CAPRIN2: variants seen among roughly 807,000 people sequenced by gnomAD.
CAPRIN2 encodes the protein caprin-2.
In CAPRIN2, 66 loss-of-function variants were observed where a neutral mutation model predicts 130.4. The ratio of observed to expected loss-of-function variants is 0.51; its 90% confidence interval spans 0.42 to 0.62. CAPRIN2 has a LOEUF of 0.62. Ranked by LOEUF, CAPRIN2 falls within the 20% of genes least tolerant of loss-of-function variation. CAPRIN2 has a pLI of 0.00. For missense variants in CAPRIN2, 1,185 were observed against 1,246.6 expected (o/e 0.95, Z 0.74); for synonymous variants, 471 against 444.1 (o/e 1.06, Z -0.76).
intron 11 of CAPRIN2, among the ~76,000 whole-genome samples, chr12:30,721,820 G>A (rs1181957555): frequency 6.6e-6 from 1 of 152,170 alleles, no homozygotes; most frequent in African/African-American, 2.4e-5. Context: ...GAAGGAGACT[G>A]GGGATTGAGT....
In CAPRIN2 at chr12:30,710,357, C is replaced by A; in HGVS notation, c.2779G>T (p.Val927Leu). ...AGTATGGTGGCTGCTGGATTTGTCA[C>A]TGGCACATCCACAGGGGTCATGCTA... Residue 927 changes from valine to leucine, a missense_variant, in exon 17 of 17, where the codon GTG becomes TTG. This residue lies in a region of CAPRIN2 where 1,104 missense variants were observed against 1,104.3 expected (regional missense o/e 1.00). Transcript: ENST00000298892. The surrounding 1 kb of genome is among the most constrained non-coding windows in gnomAD (Gnocchi z 4.8). 1.2e-6 allele frequency: 2 copies of A among 1,614,138 alleles called. No homozygotes were observed. The highest frequency in any genetic ancestry group is 1.7e-6 in the Non-Finnish European group (2 of 1,180,030).
chr12:30,734,142 C>A (rs2063646426), intron 4 of CAPRIN2, among the ~76,000 whole-genome samples: 1 of 152,082 alleles, frequency 6.6e-6, no homozygotes, highest in South Asian at 2.1e-4. Flanking sequence ...ATTCCCTGAA[C>A]CCACAAAAGT....
chr12:30,742,848 T>C (rs1319176155), intron 2 of CAPRIN2, among the ~76,000 whole-genome samples: 2 of 152,186 alleles, frequency 1.3e-5, no homozygotes, highest in African/African-American at 4.8e-5. Flanking sequence ...TTAACTTATA[T>C]GGAATATATT....
intron 10 of CAPRIN2, among the ~76,000 whole-genome samples, chr12:30,723,730 TA>T (rs2060087729): frequency 6.6e-6 from 1 of 152,240 alleles, no homozygotes; most frequent in South Asian, 2.1e-4. Context: ...TTATATATAT[TA>T]ACATACTTTT....
intron 5 of CAPRIN2, among the ~76,000 whole-genome samples, chr12:30,733,279 T>C (rs1281073475): frequency 6.6e-6 from 1 of 152,106 alleles, no homozygotes; most frequent in East Asian, 1.9e-4. Context: ...GCCTTGATAT[T>C]AACAATGCAT....
chr12:30,721,316 C>T (rs1367933074), intron 11 of CAPRIN2, among the ~76,000 whole-genome samples: 10 of 151,604 alleles, frequency 6.6e-5, no homozygotes, highest in East Asian at 2.0e-4. Flanking sequence ...GCTCCGGGTA[C>T]GTTTAACACT....
At chr12:30,746,237 A>G (rs774947867) in intron 2 of CAPRIN2, among the ~76,000 whole-genome samples, 4 of 152,230 alleles carry the variant, frequency 2.6e-5, no homozygotes, top group Non-Finnish European at 4.4e-5. Context: ...TTTGCATTCA[A>G]CAAAACCCAT....
At chr12:30,740,766 A>G (rs1352593981) in intron 3 of CAPRIN2, among the ~76,000 whole-genome samples, 1 of 152,232 alleles carries the variant, frequency 6.6e-6, no homozygotes, top group African/African-American at 2.4e-5. Context: ...TAATTAAATA[A>G]CATACATTAG....
At chr12:30,747,045 T>C (rs1321632175) in intron 2 of CAPRIN2, among the ~76,000 whole-genome samples, 1 of 152,128 alleles carries the variant, frequency 6.6e-6, no homozygotes, top group Non-Finnish European at 1.5e-5. Context: ...ATGCAGCTGA[T>C]GACTTTAAGG....
chr12:30,726,719 T>C (rs1565604487), intron 8 of CAPRIN2, among the ~76,000 whole-genome samples: 1 of 152,130 alleles, frequency 6.6e-6, no homozygotes, highest in Non-Finnish European at 1.5e-5. Flanking sequence ...CTCCACCTTC[T>C]AATCAAAGAA....
chr12:30,725,979 C>T (rs1408745223), exon 9 of CAPRIN2: 4 of 1,591,584 alleles, frequency 2.5e-6, no homozygotes, highest in Admixed American at 1.8e-5. Flanking sequence ...CATAAAGTTA[C>T]AAGTTCCTTG....
chr12:30,754,756 C>CAGGCAGCCG (rs1381556517), upstream of CAPRIN2: 1 of 153,620 alleles, frequency 6.5e-6, no homozygotes, highest in Non-Finnish European at 1.4e-5. Flanking sequence ...TTCACCTCCC[C>CAGGCAGCCG]AGGCAGCCGA....
chr12:30,731,896 A>G (rs1238773515), intron 5 of CAPRIN2, among the ~76,000 whole-genome samples: 2 of 152,060 alleles, frequency 1.3e-5, no homozygotes, highest in African/African-American at 2.4e-5. Context: ...GAGATGAGAA[A>G]TAAGTCATTT....
At chr12:30,741,161 T>C in intron 2 of CAPRIN2, 55 bp from the exon 4 acceptor site, 6 of 1,032,670 alleles carry the variant, frequency 5.8e-6, no homozygotes, top group South Asian at 5.7e-5. Flanking sequence ...TATAAATATG[T>C]GAAAATAATG....
chr12:30,712,036 G>A (rs2054983662), intron 15 of CAPRIN2, among the ~76,000 whole-genome samples: 1 of 152,018 alleles, frequency 6.6e-6, no homozygotes, highest in African/African-American at 2.4e-5. Flanking sequence ...ACCAAACTGG[G>A]AAGACCAATA....
intron 4 of CAPRIN2, among the ~76,000 whole-genome samples, chr12:30,734,720 C>T (rs2063882753): frequency 6.6e-6 from 1 of 151,968 alleles, no homozygotes; most frequent in African/African-American, 2.4e-5. Flanking sequence ...AATAAAGAAG[C>T]ATGTTAATGA....
chr12:30,714,953 G>A lies in CAPRIN2; in HGVS notation c.2500+6C>T, dbSNP rs1799979547. ...TCAGTATAATTCAATTTTATTCAGG[G>A]CATACCTTTATAACCACCAGGGGAC... On this transcript the variant is annotated splice_donor_region_variant and intron_variant, in intron 14 of 16. Coordinates refer to ENST00000298892, the Ensembl canonical transcript of CAPRIN2. The A allele has an allele frequency of 1.2e-6, 2 of 1,608,682 alleles. No individual in the cohort carries two copies. Among genetic ancestry groups the A allele is most frequent in the Non-Finnish European group, 1.7e-6 (2 of 1,175,392 alleles).
At chr12:30,734,373 C>G (rs540587846) in intron 4 of CAPRIN2, among the ~76,000 whole-genome samples, 7 of 152,224 alleles carry the variant, frequency 4.6e-5, no homozygotes, top group Admixed American at 2.0e-4. Flanking sequence ...GCATCTGTCC[C>G]CTAGCTGATT....
intron 2 of CAPRIN2, among the ~76,000 whole-genome samples, chr12:30,750,725 T>C (rs566240119): frequency 2.1e-4 from 32 of 152,332 alleles, no homozygotes; most frequent in African/African-American, 5.3e-4. Context: ...GTTTAGAATA[T>C]ACCAGTGAAG....
Sources: gnomAD v4.1 joint callset for allele counts (sites outside exome capture counted in the v4.1 genomes callset) on GRCh38, gnomAD v4.1.1 for gene constraint, gnomAD v4.1.1 regional missense constraint, Gnocchi (gnomAD v3.1) non-coding constraint, MANE v1.5 for transcripts, NCBI Gene and HGNC (gene_info 2026-07-23, HGNC 2026-07-21) for gene names.